The following ABHD12 variants were observed in gnomAD, a reference collection of about 807,000 sequenced individuals.
ABHD12 encodes the protein abhydrolase domain containing 12, lysophospholipase.
ABHD12 carries 43 observed loss-of-function variants against 58.3 expected under a neutral mutation model. The ratio of observed to expected loss-of-function variants is 0.74; its 90% CI spans 0.58 to 0.95. The LOEUF (loss-of-function observed/expected upper bound fraction) is 0.95, where lower values mean the gene tolerates loss of function less well. Among genes scored for constraint, ABHD12 ranks in the 40% least tolerant of loss-of-function variants. The pLI is 0.00. For missense variants in ABHD12, 539 were observed against 537.2 expected (o/e 1.00, Z -0.03); for synonymous variants, 219 against 211.2 (o/e 1.04, Z -0.32).
At chr20:25,317,203 C>T (rs1479671804) in intron 4 of ABHD12, 125 bp from the exon 5 acceptor site, 1 of 706,570 alleles carries the variant, frequency 1.4e-6, no homozygotes. Context: ...TTCCTTGGGT[C>T]CCCCTAAGTA....
At chr20:25,381,163 C>T (rs138669680) in intron 1 of ABHD12, among the ~76,000 whole-genome samples, 1 of 152,292 alleles carries the variant, frequency 6.6e-6, no homozygotes, top group African/African-American at 2.4e-5. Flanking sequence ...CATGCCATTT[C>T]TCTAGCAGCC....
rs543472250 is a variant in ABHD12 at position 25,389,100 on chromosome 20, C to A, written c.191+1413G>T. Among the ~76,000 whole-genome samples the A allele has an allele frequency of 9.8e-5, 15 of 152,310 alleles. No individual in the cohort carries two copies. The East Asian group carries it at 2.9e-3, about 29-fold the overall frequency. ...GCATTACAGGCGTGAGCCACCGCGC[C>A]CGGCAATTTGATTTTTTCGAAGGAA... On this transcript the variant is annotated intron_variant, in intron 1 of 12. Transcript: ENST00000339157.
Position 25,320,326 on chromosome 20 carries a change from C to T in ABHD12, c.423-8G>A. The T allele has an allele frequency of 6.2e-7, 1 of 1,613,432 alleles. No individual in the cohort carries two copies. Among genetic ancestry groups the T allele is most frequent in the Non-Finnish European group, 8.5e-7 (1 of 1,180,026 alleles). On this transcript the variant is annotated splice_region_variant and splice_polypyrimidine_tract_variant and intron_variant, in intron 3 of 12. Coordinates refer to ENST00000339157, the MANE Select transcript of ABHD12 (RefSeq NM_001042472.3). ...ACTGCAGGGACGGTGTGCCTGCAGA[C>T]AGAAGCAGAGGGGAGCGCAGGATCA...
At chr20:25,330,624 G>C (rs2089256849) in intron 2 of ABHD12, among the ~76,000 whole-genome samples, 2 of 152,224 alleles carry the variant, frequency 1.3e-5, no homozygotes, top group South Asian at 4.1e-4. Context: ...TCTGAGAACG[G>C]GCAGAATGCC....
intron 1 of ABHD12, among the ~76,000 whole-genome samples, chr20:25,364,670 A>G (rs1340224441): frequency 1.3e-5 from 2 of 152,244 alleles, no homozygotes; most frequent in African/African-American, 2.4e-5. Flanking sequence ...CTATTTTGTT[A>G]TATTTCCTGT....
At chr20:25,352,093 G>C (rs2146065780) in intron 1 of ABHD12, among the ~76,000 whole-genome samples, 1 of 152,104 alleles carries the variant, frequency 6.6e-6, no homozygotes, top group African/African-American at 2.4e-5. Flanking sequence ...CTGGGTTCAA[G>C]AGATTCTCTA....
At chr20:25,355,854 G>A (rs1386693998) in intron 1 of ABHD12, among the ~76,000 whole-genome samples, 1 of 95,776 alleles carries the variant, frequency 1.0e-5, no homozygotes, top group Non-Finnish European at 2.1e-5. Context: ...ACTGCGCCCA[G>A]CCCATAAAGG....
chr20:25,347,557 G>A (rs1256988873), intron 1 of ABHD12, among the ~76,000 whole-genome samples: 2 of 152,220 alleles, frequency 1.3e-5, no homozygotes, highest in East Asian at 1.9e-4. Flanking sequence ...AGGTGTGGTG[G>A]TTCACACCTG....
At position 25,390,746 on chromosome 20, in the gene ABHD12, T is replaced by TCCGCCGCCA. The variant is rs1555828016; in HGVS notation, c.-44_-43insTGGCGGCGG. The TCCGCCGCCA allele has an allele frequency of 4.1e-6, 5 of 1,223,432 alleles. No homozygotes were observed. In the South Asian group the frequency reaches 1.4e-4, roughly 34 times the overall value. 75.8% of individuals were successfully genotyped at this position (1,223,432 alleles called of 1,614,324 possible). ...CAGCCGCCGACGGCGCCCGCTGGCC[T>TCCGCCGCCA]GCGCCGCAGTGCCGCCGCTCACAGC... On this transcript the variant is annotated 5_prime_UTR_variant, in exon 1 of 13. Coordinates refer to ENST00000339157, the MANE Select transcript of ABHD12 (RefSeq NM_001042472.3).
chr20:25,358,372 T>C (rs1457872884), intron 1 of ABHD12, among the ~76,000 whole-genome samples: 1 of 152,310 alleles, frequency 6.6e-6, no homozygotes, highest in Admixed American at 6.5e-5. Flanking sequence ...CAGTGACTAT[T>C]CTTCTAAAAT....
At chr20:25,343,530 C>T (rs536709181) in intron 1 of ABHD12, among the ~76,000 whole-genome samples, 28 of 152,188 alleles carry the variant, frequency 1.8e-4, no homozygotes, top group Admixed American at 1.6e-3. Flanking sequence ...TGAGGCCAGG[C>T]GTGGTGGCTC....
intron 1 of ABHD12, chr20:25,339,828 AC>A: frequency 8.7e-7 from 1 of 1,150,220 alleles, no homozygotes; most frequent in Non-Finnish European, 1.1e-6. Flanking sequence ...AACCTGCCTG[AC>A]CAGGTCCTCA....
chr20:25,300,999 A>G (rs1600757475), intron 12 of ABHD12, 115 bp from the exon 13 acceptor site: 1 of 1,112,290 alleles, frequency 9.0e-7, no homozygotes, highest in Non-Finnish European at 1.3e-6. Context: ...GAGGCAGCCA[A>G]GAGCCCCATG....
chr20:25,303,317 A>G, intron 11 of ABHD12: 1 of 1,418,364 alleles, frequency 7.1e-7, no homozygotes, highest in Non-Finnish European at 9.2e-7. Context: ...TGGAGACAGC[A>G]TCAGTGGGCC....
chr20:25,355,059 T>G (rs2089649457), intron 1 of ABHD12, among the ~76,000 whole-genome samples: 1 of 152,154 alleles, frequency 6.6e-6, no homozygotes, highest in South Asian at 2.1e-4. Flanking sequence ...ACAGGAAAAG[T>G]AAAGGTACAA....
At chr20:25,372,108 C>T (rs536463055) in intron 1 of ABHD12, among the ~76,000 whole-genome samples, 2 of 152,194 alleles carry the variant, frequency 1.3e-5, no homozygotes, top group East Asian at 3.9e-4. Flanking sequence ...TTCAAGCGAT[C>T]CCACCATCTT....
chr20:25,296,410 C>T, downstream of ABHD12: 4 of 1,614,076 alleles, frequency 2.5e-6, no homozygotes, highest in Non-Finnish European at 3.4e-6. Context: ...AGGAACATCG[C>T]CTGCTCGGGC....
At chr20:25,365,822 G>C (rs1293296933) in intron 1 of ABHD12, among the ~76,000 whole-genome samples, 1 of 152,146 alleles carries the variant, frequency 6.6e-6, no homozygotes, top group Admixed American at 6.6e-5. Flanking sequence ...GCTGAGGTGG[G>C]AGGATTGCTT....
intron 10 of ABHD12, 119 bp from the exon 11 acceptor site, chr20:25,303,747 T>C (rs2088684025): frequency 7.1e-7 from 1 of 1,412,574 alleles, no homozygotes; most frequent in East Asian, 2.5e-5. Flanking sequence ...TGATTTCTGC[T>C]GGATTTCTTT....
Sources: gnomAD v4.1 joint callset for allele counts (sites outside exome capture counted in the v4.1 genomes callset) on GRCh38, gnomAD v4.1.1 for gene constraint, MANE v1.5 for transcripts, NCBI Gene and HGNC (gene_info 2026-07-23, HGNC 2026-07-21) for gene names.